The following OR4N2 variants were observed in gnomAD, a reference collection of about 807,000 sequenced individuals.
The protein encoded by OR4N2 is olfactory receptor 4N2.
For missense variants in OR4N2, 307 were observed against 377.6 expected (o/e 0.81, Z 1.55); for synonymous variants, 141 against 140.4 (o/e 1.00, Z -0.03).
At chr14:19,820,081 G>T (rs947979410) in intron 1 of OR4N2, among the ~76,000 whole-genome samples, 2 of 152,246 alleles carry the variant, frequency 1.3e-5, no homozygotes, top group African/African-American at 4.8e-5. Context: ...AGGGGCACCA[G>T]CCAGATGCCA....
At chr14:19,812,674 A>G (rs1234965442) in intron 1 of OR4N2, among the ~76,000 whole-genome samples, 1 of 152,120 alleles carries the variant, frequency 6.6e-6, no homozygotes, top group Non-Finnish European at 1.5e-5. Context: ...TGACTTTTTA[A>G]TAATAGTCCT....
intron 1 of OR4N2, among the ~76,000 whole-genome samples, chr14:19,812,246 G>T (rs1780882): frequency 6.7e-6 from 1 of 150,192 alleles, no homozygotes; most frequent in Non-Finnish European, 1.5e-5. Flanking sequence ...TCATGCCATA[G>T]AAGTAAAAAA....
Position 19,829,599 on chromosome 14 carries a change from T to C in OR4N2, c.*1227T>C, listed in dbSNP as rs1369236196. ...TTTAGCCATGTGCCTGGGATCAAGT[T>C]GATGATCTGGAATCACTTTGGACCT... On this transcript the variant is annotated 3_prime_UTR_variant, in exon 2 of 2. Coordinates refer to ENST00000557677, the MANE Select transcript of OR4N2 (RefSeq NM_001004723.3). 1.3e-5 allele frequency: 2 copies of C among 152,282 alleles called. No homozygotes were observed. Among genetic ancestry groups the C allele is most frequent in the Admixed American group, 1.3e-4 (2 of 15,270 alleles). 9.4% of individuals were successfully genotyped at this position (152,282 alleles called of 1,614,324 possible).
intron 1 of OR4N2, among the ~76,000 whole-genome samples, chr14:19,820,278 A>G (rs1471902326): frequency 1.3e-5 from 2 of 152,202 alleles, no homozygotes; most frequent in Non-Finnish European, 2.9e-5. Context: ...TTGTGTCTCT[A>G]TCTCCTTCAG....
At chr14:19,806,028 A>G (rs1474195160) in intron 1 of OR4N2, among the ~76,000 whole-genome samples, 1 of 152,198 alleles carries the variant, frequency 6.6e-6, no homozygotes, top group African/African-American at 2.4e-5. Flanking sequence ...TAAAATGCCA[A>G]GGTAATACAT....
rs558259611 is a variant in OR4N2, at chr14:19,806,478, A to C, written c.-10+2634A>C. 3.3e-5 allele frequency among the ~76,000 whole-genome samples: 5 copies of C among 152,300 alleles called. No homozygotes were observed. In the East Asian group the frequency reaches 9.6e-4, roughly 29 times the overall value. ...CAACAACAATTACCAAGGACAAAGA[A>C]AGGCATTACATAATGATAAAGGGTT... On this transcript the variant is annotated intron_variant, in intron 1 of 1. Transcript: ENST00000557677.
chr14:19,809,243 C>G (rs1879238624), intron 1 of OR4N2, among the ~76,000 whole-genome samples: 1 of 152,212 alleles, frequency 6.6e-6, no homozygotes, highest in South Asian at 2.1e-4. Flanking sequence ...AGACCTCAGC[C>G]TATAAAAATC....
At chr14:19,805,091 G>T (rs1206284380) in intron 1 of OR4N2, among the ~76,000 whole-genome samples, 3 of 152,150 alleles carry the variant, frequency 2.0e-5, no homozygotes. Flanking sequence ...GGATGTCATT[G>T]CATGTGAGAT....
chr14:19,821,570 C>T lies in OR4N2; in HGVS notation c.-9-5870C>T, dbSNP rs114129576. ...TCTCCTTTTGAATTTTATTATAACA[C>T]GTAAATTTACTTCTCTCAAACTTCT... On this transcript the variant is annotated intron_variant, in intron 1 of 1. Coordinates refer to ENST00000557677, the MANE Select transcript of OR4N2 (RefSeq NM_001004723.3). Among the ~76,000 whole-genome samples, 412 of 152,250 alleles carry T rather than the reference C, an allele frequency of 2.7e-3. 1 individual carries two copies. The highest frequency in any genetic ancestry group is 9.3e-3 in the African/African-American group (386 of 41,520).
At chr14:19,812,879 G>T (rs922218978) in intron 1 of OR4N2, among the ~76,000 whole-genome samples, 1 of 151,936 alleles carries the variant, frequency 6.6e-6, no homozygotes, top group East Asian at 1.9e-4. Flanking sequence ...CTCTTTTGTT[G>T]GATAAAAACA....
At chr14:19,818,187 T>C (rs1007930878) in intron 1 of OR4N2, among the ~76,000 whole-genome samples, 1 of 152,264 alleles carries the variant, frequency 6.6e-6, no homozygotes, top group African/African-American at 2.4e-5. Flanking sequence ...GAGAGTTTTG[T>C]AGATGTCTAT....
chr14:19,807,665 G>A (rs1030808332), intron 1 of OR4N2, among the ~76,000 whole-genome samples: 9 of 151,508 alleles, frequency 5.9e-5, no homozygotes, highest in Non-Finnish European at 1.3e-4. Flanking sequence ...TTAAAAAAAA[G>A]AACTCTACCA....
chr14:19,823,128 G>A (rs1390179579), intron 1 of OR4N2, among the ~76,000 whole-genome samples: 20 of 152,300 alleles, frequency 1.3e-4, no homozygotes, highest in South Asian at 6.2e-4. Context: ...TTTCTATTAT[G>A]TTCTCAGCCT....
intron 1 of OR4N2, among the ~76,000 whole-genome samples, chr14:19,812,821 A>C (rs1238604697): frequency 6.6e-6 from 1 of 152,248 alleles, no homozygotes; most frequent in Non-Finnish European, 1.5e-5. Context: ...TTCATATAAA[A>C]AGTGGTAATA....
rs1189932802 is a variant in OR4N2, at chr14:19,825,626, G to T, written c.-9-1814G>T. On this transcript the variant is annotated intron_variant, in intron 1 of 1. Transcript: ENST00000557677. ...GCTGGAGTGCAGTGGCGCGATCTCG[G>T]CTCACTGAAAGCTCTGCCTCCCGGG... Among the ~76,000 whole-genome samples the T allele has an allele frequency of 1.3e-5, 2 of 152,188 alleles. 1 individual carries two copies. Among genetic ancestry groups the T allele is most frequent in the East Asian group, 3.9e-4 (2 of 5,176 alleles).
Position 19,827,843 on chromosome 14 carries a change from A to G in OR4N2, c.395A>G (p.Tyr132Cys). ...ATCGCCATCTGCCGGCCTCTGCACT[A>G]TCCTACTGTCATGAACCCTAGAACC... ...RYIAICRPLH[Y>C]PTVMNPRTCY... The change falls in exon 2 of 2, where the codon TAT becomes TGT. Residue 132 changes from tyrosine (Y) to cysteine (C), a missense_variant. Coordinates refer to ENST00000557677, the MANE Select transcript of OR4N2 (RefSeq NM_001004723.3). The G allele has an allele frequency of 6.2e-7, 1 of 1,614,196 alleles. No homozygotes were observed. The highest frequency in any genetic ancestry group is 8.5e-7 in the Non-Finnish European group (1 of 1,180,040).
chr14:19,820,975 T>A (rs189434947), intron 1 of OR4N2, among the ~76,000 whole-genome samples: 121 of 152,178 alleles, frequency 8.0e-4, no homozygotes, highest in Middle Eastern at 6.8e-3. Flanking sequence ...GCCACTGGGG[T>A]ATGAAAAAAA....
chr14:19,804,108 C>T (rs1255231647), intron 1 of OR4N2, among the ~76,000 whole-genome samples: 1 of 152,184 alleles, frequency 6.6e-6, no homozygotes, highest in African/African-American at 2.4e-5. Context: ...ATTAGTCTAG[C>T]CAATGCTCTA....
intron 1 of OR4N2, among the ~76,000 whole-genome samples, chr14:19,809,044 C>A (rs545280188): frequency 1.3e-5 from 2 of 152,302 alleles, no homozygotes; most frequent in East Asian, 3.9e-4. Context: ...GAAGCCCCTA[C>A]TGAGGAAAGT....
Sources: gnomAD v4.1 joint callset for allele counts (sites outside exome capture counted in the v4.1 genomes callset) on GRCh38, gnomAD v4.1.1 for gene constraint, MANE v1.5 for transcripts, NCBI Gene and HGNC (gene_info 2026-07-23, HGNC 2026-07-21) for gene names.